KCNMA1: variants seen among roughly 807,000 people sequenced by gnomAD.
The protein encoded by KCNMA1 is Calcium-activated potassium channel subunit alpha-1.
A neutral mutation model predicts 140.0 loss-of-function variants in KCNMA1; 29 were observed. The ratio of observed to expected loss-of-function variants is 0.21; its 90% CI spans 0.15 to 0.28. The LOEUF is 0.28. Ranked by LOEUF, KCNMA1 falls within the 10% of genes least tolerant of loss-of-function variation. The pLI is 1.00. For missense variants in KCNMA1, 880 were observed against 1,602.2 expected, an observed-to-expected ratio of 0.55 and a Z score of 7.70; for synonymous variants, 612 against 611.9, an observed-to-expected ratio of 1.00 and a Z score of 0.00.
intron 14 of KCNMA1, among the ~76,000 whole-genome samples, chr10:77,061,168 A>G (rs1009107438): frequency 3.3e-5 from 5 of 152,206 alleles, no homozygotes; most frequent in South Asian, 4.1e-4. Context: ...ACCTTTTAAG[A>G]AAAACTCCAA....
intron 1 of KCNMA1, among the ~76,000 whole-genome samples, chr10:77,541,869 C>T (rs2060256408): frequency 6.6e-6 from 1 of 152,112 alleles, no homozygotes; most frequent in Non-Finnish European, 1.5e-5. Flanking sequence ...TTTTAATGTG[C>T]AGCCAGAGTT....
chr10:77,404,126 T>A (rs11002158), intron 1 of KCNMA1, 103 bp from the exon 2 acceptor site: 12 of 1,104,452 alleles, frequency 1.1e-5, no homozygotes, highest in African/African-American at 7.7e-5. Flanking sequence ...CCAGCTGAGA[T>A]GGAAACTAGC....
chr10:77,085,347 T>C (rs1471976652), intron 11 of KCNMA1, among the ~76,000 whole-genome samples: 2 of 152,232 alleles, frequency 1.3e-5, no homozygotes, highest in South Asian at 2.1e-4. Context: ...ATATACCTAC[T>C]GACTTATCCA....
At chr10:77,583,068 A>G (rs1008097150) in intron 1 of KCNMA1, among the ~76,000 whole-genome samples, 2 of 152,102 alleles carry the variant, frequency 1.3e-5, no homozygotes, top group African/African-American at 4.8e-5. Flanking sequence ...AAGATAACTC[A>G]CTGGTCCAGG....
intron 1 of KCNMA1, among the ~76,000 whole-genome samples, chr10:77,478,577 G>A (rs879798590): frequency 6.6e-6 from 1 of 152,024 alleles, no homozygotes; most frequent in African/African-American, 2.4e-5. Flanking sequence ...ACAATTAACC[G>A]GCCCACAGTG....
chr10:76,959,075 T>C (rs755374608), intron 20 of KCNMA1, among the ~76,000 whole-genome samples: 4 of 152,098 alleles, frequency 2.6e-5, no homozygotes, highest in African/African-American at 9.7e-5. Flanking sequence ...TCGGCCAATA[T>C]CCTTCCCCTC....
chr10:76,961,796 G>A (rs1185826864), intron 20 of KCNMA1, among the ~76,000 whole-genome samples: 2 of 152,156 alleles, frequency 1.3e-5, no homozygotes, highest in Non-Finnish European at 2.9e-5. Flanking sequence ...GCATTTTTAG[G>A]AGTAAATTAT....
intron 1 of KCNMA1, among the ~76,000 whole-genome samples, chr10:77,539,315 A>G (rs1363303191): frequency 6.6e-6 from 1 of 152,230 alleles, no homozygotes; most frequent in African/African-American, 2.4e-5. Flanking sequence ...TAATGCAGAG[A>G]TGGAGATGGG....
intron 1 of KCNMA1, among the ~76,000 whole-genome samples, chr10:77,507,498 T>C (rs2046585141): frequency 6.6e-6 from 1 of 152,104 alleles, no homozygotes; most frequent in Non-Finnish European, 1.5e-5. Context: ...AGCACCAATA[T>C]CAAGGGATTA....
At chr10:77,405,123 G>T (rs1353229302) in intron 1 of KCNMA1, among the ~76,000 whole-genome samples, 2 of 152,138 alleles carry the variant, frequency 1.3e-5, no homozygotes, top group Non-Finnish European at 2.9e-5. Flanking sequence ...GTAAACCTTT[G>T]CATACAGTGA....
chr10:77,604,064 T>C (rs554644978), intron 1 of KCNMA1, among the ~76,000 whole-genome samples: 114 of 152,336 alleles, frequency 7.5e-4, no homozygotes, highest in Non-Finnish European at 1.1e-3. Flanking sequence ...GCCACTGGCA[T>C]CTGAGGCTGG....
intron 2 of KCNMA1, among the ~76,000 whole-genome samples, chr10:77,338,996 G>A (rs1190690997): frequency 1.3e-5 from 2 of 152,084 alleles, no homozygotes; most frequent in Non-Finnish European, 2.9e-5. Context: ...CTCAATGGGG[G>A]CAAAGTCTCC....
At chr10:77,633,184 G>A (rs1157099907) in intron 1 of KCNMA1, among the ~76,000 whole-genome samples, 5 of 152,100 alleles carry the variant, frequency 3.3e-5, no homozygotes, top group Middle Eastern at 3.2e-3. Context: ...GTGTGGCAGC[G>A]TGCGCCTGTA....
chr10:77,373,295 G>A (rs1462456807), intron 2 of KCNMA1, among the ~76,000 whole-genome samples: 2 of 152,150 alleles, frequency 1.3e-5, no homozygotes, highest in African/African-American at 4.8e-5. Context: ...TGCCACCCAG[G>A]TGCCACCAAC....
At chr10:76,887,890 C>G in intron 27 of KCNMA1, 1 of 295,032 alleles carries the variant, frequency 3.4e-6, no homozygotes, top group Non-Finnish European at 6.6e-6. Flanking sequence ...TTCGGACAAT[C>G]CCAGATATAC....
intron 1 of KCNMA1, among the ~76,000 whole-genome samples, chr10:77,543,748 A>G (rs1370561251): frequency 1.3e-5 from 2 of 152,222 alleles, no homozygotes; most frequent in Non-Finnish European, 2.9e-5. Context: ...TTGAGACTAA[A>G]CAACTCAGGG....
At chr10:77,590,468 A>G (rs529204976) in intron 1 of KCNMA1, among the ~76,000 whole-genome samples, 34 of 152,318 alleles carry the variant, frequency 2.2e-4, no homozygotes, top group Middle Eastern at 3.4e-3. Flanking sequence ...TGAGCACAGC[A>G]GCTGCTGGCC....
intron 1 of KCNMA1, chr10:77,636,701 A>T: frequency 1.3e-6 from 2 of 1,525,502 alleles, no homozygotes; most frequent in Non-Finnish European, 1.8e-6. Context: ...TCCCCCTGTT[A>T]TCTCGGGCCA....
intron 1 of KCNMA1, among the ~76,000 whole-genome samples, chr10:77,608,927 A>G (rs573142289): frequency 1.3e-5 from 2 of 151,506 alleles, no homozygotes; most frequent in Non-Finnish European, 3.0e-5. Context: ...TAAGCAAAAA[A>G]AGAGAGAGAG....
Sources: gnomAD v4.1 joint callset for allele counts (sites outside exome capture counted in the v4.1 genomes callset) on GRCh38, gnomAD v4.1.1 for gene constraint, MANE v1.5 for transcripts, NCBI Gene and HGNC (gene_info 2026-07-23, HGNC 2026-07-21) for gene names.